KLHL1: variants seen among roughly 807,000 people sequenced by gnomAD.
The protein encoded by KLHL1 is kelch like family member 1.
In KLHL1, 47 loss-of-function variants were observed where a neutral mutation model predicts 77.7. The observed-to-expected ratio is 0.60, with a 90% CI of 0.48 to 0.77. The LOEUF is 0.77. Among genes scored for constraint, KLHL1 ranks in the 30% least tolerant of loss-of-function variants. The pLI, the probability that KLHL1 is intolerant of heterozygous loss-of-function variation, is 0.00. For synonymous variants in KLHL1, 360 were observed against 325.2 expected (o/e 1.11, Z -1.15); for missense variants, 925 against 910.8 (o/e 1.02, Z -0.20).
chr13:69,850,435 T>C (rs1363161714), intron 5 of KLHL1, among the ~76,000 whole-genome samples: 1 of 151,520 alleles, frequency 6.6e-6, no homozygotes, highest in Non-Finnish European at 1.5e-5. Flanking sequence ...CAACCTCACA[T>C]CCAAACAGTC....
In KLHL1 at chr13:70,107,542, T is replaced by A. The variant is rs768406656; in HGVS notation, c.158A>T (p.Gln53Leu). The change falls in exon 1 of 11, where the codon CAG (glutamine) becomes CTG (leucine). Residue 53 changes from glutamine to leucine, a missense_variant. Gln to Leu is a moderately radical substitution (Grantham distance 113). Coordinates refer to ENST00000377844, the MANE Select transcript of KLHL1 (RefSeq NM_020866.3). Reference protein sequence around the residue: ...SGSFEHWGPSQSRLLKSQERS... With the variant: ...SGSFEHWGPSLSRLLKSQERS... ...CTCTTGGCTTTTGAGCAGGCGACTC[T>A]GGCTGGGTCCCCAGTGCTCAAAGCT... 1 of 1,609,644 alleles carries A rather than the reference T, an allele frequency of 6.2e-7. No individual in the cohort carries two copies. Among genetic ancestry groups the A allele is most frequent in the South Asian group, 1.1e-5 (1 of 90,338 alleles).
At chr13:69,755,935 T>C (rs1874707425) in intron 7 of KLHL1, among the ~76,000 whole-genome samples, 2 of 152,316 alleles carry the variant, frequency 1.3e-5, no homozygotes, top group South Asian at 4.1e-4. Flanking sequence ...TCTTAATCTT[T>C]TTGATTCTCG....
intron 1 of KLHL1, among the ~76,000 whole-genome samples, chr13:70,073,647 T>G (rs774092006): frequency 1.3e-5 from 2 of 151,944 alleles, no homozygotes; most frequent in Non-Finnish European, 2.9e-5. Flanking sequence ...TGTGGTGGTG[T>G]GCACCTGTGT....
intron 7 of KLHL1, among the ~76,000 whole-genome samples, chr13:69,779,650 G>A (rs1158936714): frequency 1.3e-5 from 2 of 151,732 alleles, no homozygotes; most frequent in Non-Finnish European, 2.9e-5. Context: ...AAACACATAT[G>A]TCTATATCTT....
chr13:69,766,118 C>A (rs934269681), intron 7 of KLHL1, among the ~76,000 whole-genome samples: 3 of 152,104 alleles, frequency 2.0e-5, no homozygotes, highest in Non-Finnish European at 4.4e-5. Context: ...TACAAATAAT[C>A]TGTAAACAGT....
intron 1 of KLHL1, among the ~76,000 whole-genome samples, chr13:70,034,285 C>A (rs77727399): frequency 6.6e-6 from 1 of 152,184 alleles, no homozygotes; most frequent in Non-Finnish European, 1.5e-5. Context: ...CGAATTTTGA[C>A]TGTAGAAAGT....
chr13:69,841,801 G>A (rs942664847), intron 5 of KLHL1, among the ~76,000 whole-genome samples: 1 of 151,488 alleles, frequency 6.6e-6, no homozygotes, highest in South Asian at 2.1e-4. Context: ...CACATTACCT[G>A]ACTTAACCCA....
intron 3 of KLHL1, among the ~76,000 whole-genome samples, chr13:69,955,153 A>T (rs1883828083): frequency 6.6e-6 from 1 of 151,362 alleles, no homozygotes; most frequent in African/African-American, 2.4e-5. Flanking sequence ...AACCAGTAAT[A>T]AAAATGAAAC....
intron 7 of KLHL1, among the ~76,000 whole-genome samples, chr13:69,741,932 A>G (rs895396475): frequency 6.6e-6 from 1 of 152,176 alleles, no homozygotes; most frequent in African/African-American, 2.4e-5. Flanking sequence ...TGAAATAAAG[A>G]CAGAAGAAAG....
chr13:69,927,494 G>C (rs1207848664), intron 4 of KLHL1, among the ~76,000 whole-genome samples: 1 of 151,896 alleles, frequency 6.6e-6, no homozygotes, highest in South Asian at 2.1e-4. Flanking sequence ...TTTAAGAAAA[G>C]GTTTGCAAAT....
intron 1 of KLHL1, among the ~76,000 whole-genome samples, chr13:70,100,298 T>C (rs1887894185): frequency 6.6e-6 from 1 of 152,222 alleles, no homozygotes; most frequent in East Asian, 1.9e-4. Flanking sequence ...ACATGTATCA[T>C]CTTTACAATT....
intron 1 of KLHL1, among the ~76,000 whole-genome samples, chr13:69,983,519 T>C (rs1593649258): frequency 6.7e-6 from 1 of 149,728 alleles, no homozygotes; most frequent in Admixed American, 6.7e-5. Context: ...AGCAGGAAGA[T>C]TTCTTGAAGC....
At chr13:69,941,986 G>A (rs913038095) in intron 3 of KLHL1, among the ~76,000 whole-genome samples, 1 of 151,876 alleles carries the variant, frequency 6.6e-6, no homozygotes, top group Non-Finnish European at 1.5e-5. Flanking sequence ...CAAAATCCCA[G>A]GACCAGAGGG....
Position 69,717,803 on chromosome 13 carries a change from A to T in KLHL1, c.2015+1566T>A, listed in dbSNP as rs186366461. ...ATGATTGCACATTTGTGAGTATAAA[A>T]GCATAAACCTATTTATTAGGACTCT... is the stretch of plus-strand genomic sequence containing the variant. On this transcript the variant is annotated intron_variant, in intron 9 of 10. Transcript: ENST00000377844. Among the ~76,000 whole-genome samples the T allele has an allele frequency of 6.5e-3, 997 of 152,214 alleles. 13 individuals are homozygous for T. Among genetic ancestry groups the T allele is most frequent in the Non-Finnish European group, 7.1e-3 (484 of 68,018 alleles).
chr13:69,955,832 A>G (rs1259247919), intron 3 of KLHL1, among the ~76,000 whole-genome samples: 3 of 146,586 alleles, frequency 2.0e-5, no homozygotes, highest in Non-Finnish European at 4.5e-5. Flanking sequence ...GTTATCAAAA[A>G]TTGTTTTGCT....
At chr13:69,954,800 T>TACATAC (rs1883816453) in intron 3 of KLHL1, among the ~76,000 whole-genome samples, 1 of 149,466 alleles carries the variant, frequency 6.7e-6, no homozygotes, top group African/African-American at 2.4e-5. Context: ...CTAAATGTTT[T>TACATAC]ACACACACAC....
intron 5 of KLHL1, among the ~76,000 whole-genome samples, chr13:69,867,153 C>T (rs1216948578): frequency 6.6e-6 from 1 of 151,978 alleles, no homozygotes; most frequent in Non-Finnish European, 1.5e-5. Flanking sequence ...TAAAAGCAAA[C>T]AATTAAAGGT....
intron 7 of KLHL1, among the ~76,000 whole-genome samples, chr13:69,757,716 C>A (rs777581976): frequency 6.6e-6 from 1 of 152,070 alleles, no homozygotes; most frequent in South Asian, 2.1e-4. Context: ...CTTTGGGAGG[C>A]CGAGGCCAGA....
chr13:69,718,920 T>C (rs1872899875), intron 9 of KLHL1, among the ~76,000 whole-genome samples: 1 of 152,134 alleles, frequency 6.6e-6, no homozygotes, highest in South Asian at 2.1e-4. Flanking sequence ...AATTCACCTT[T>C]GAGAGTTTGA....
Sources: allele counts gnomAD v4.1 joint callset (sites outside exome capture counted in the v4.1 genomes callset), GRCh38; gene constraint gnomAD v4.1.1; transcripts MANE v1.5; gene names NCBI Gene and HGNC (gene_info 2026-07-23, HGNC 2026-07-21).